AUH: variants seen among roughly 807,000 people sequenced by gnomAD.
AUH encodes methylglutaconyl-CoA hydratase, mitochondrial.
AUH carries 29 observed loss-of-function variants against 42.3 expected under a neutral mutation model. The observed-to-expected ratio is 0.69, with a 90% CI of 0.51 to 0.93. AUH has a LOEUF of 0.93. AUH is among the 40% of genes least tolerant of loss of function. The probability of loss-of-function intolerance (pLI) is 0.00; values close to 1 mark genes in which losing one functional copy is unlikely to be tolerated. For missense variants in AUH, 452 were observed against 438.1 expected (o/e 1.03, Z -0.28); for synonymous variants, 174 against 166.4 (o/e 1.05, Z -0.35).
At position 91,284,194 on chromosome 9, in the gene AUH, CA is replaced by C. The variant is rs1182996558; in HGVS notation, c.655+11826del. Among the ~76,000 whole-genome samples the C allele has an allele frequency of 2.0e-5, 3 of 151,890 alleles. No individual in the cohort carries two copies. In the East Asian group the frequency reaches 5.8e-4, roughly 29 times the overall value. The stretch of plus-strand genomic sequence containing the variant: ...ACCATCTGATCTTTGACAAACCTGA[CA>C]AAAACAAGAAATAGGGAAAGAATTC... On this transcript the variant is annotated intron_variant, in intron 6 of 9. Transcript: ENST00000375731.
At chr9:91,261,680 T>G (rs796115734) in intron 6 of AUH, among the ~76,000 whole-genome samples, 9 of 152,344 alleles carry the variant, frequency 5.9e-5, no homozygotes, top group African/African-American at 2.2e-4. Flanking sequence ...GGTTCCTCTT[T>G]CTTTCACTGT....
Position 91,324,792 on chromosome 9 carries a change from T to C in AUH, c.505+526A>G, listed in dbSNP as rs551734364. On this transcript the variant is annotated intron_variant, in intron 4 of 9. Transcript: ENST00000375731. ...GAACAAATGATAACTGGAACAGCGA[T>C]TCCCTGTTTAAGAATCTATGCTTAT... Among the ~76,000 whole-genome samples the C allele has an allele frequency of 2.0e-5, 3 of 151,778 alleles. No individual in the cohort carries two copies. The South Asian group carries it at 6.2e-4, about 32-fold the overall frequency.
intron 6 of AUH, among the ~76,000 whole-genome samples, chr9:91,259,606 C>T (rs891827512): frequency 6.6e-6 from 1 of 152,136 alleles, no homozygotes; most frequent in Non-Finnish European, 1.5e-5. Flanking sequence ...GTTTTATCTA[C>T]ATCCCACAAA....
In AUH at chr9:91,350,118, G is replaced by A. The variant is rs906703907; in HGVS notation, c.418+5765C>T. 6.6e-5 allele frequency among the ~76,000 whole-genome samples: 10 copies of A among 152,182 alleles called. No homozygotes were observed. In the East Asian group the frequency reaches 1.5e-3, roughly 23 times the overall value. On this transcript the variant is annotated intron_variant, in intron 3 of 9. Coordinates refer to ENST00000375731, the MANE Select transcript of AUH (RefSeq NM_001698.3). ...CACTGTCTGTATCTGTGACAACTAT[G>A]ACATATTTTTATCTGTATTTACATA...
At chr9:91,357,545 A>G (rs1282370136) in intron 1 of AUH, 1 of 922,390 alleles carries the variant, frequency 1.1e-6, no homozygotes. Context: ...TAATAATCAT[A>G]GAAATCATTA....
chr9:91,260,272 G>A (rs1412159933), intron 6 of AUH, among the ~76,000 whole-genome samples: 3 of 152,018 alleles, frequency 2.0e-5, no homozygotes, highest in Admixed American at 1.3e-4. Flanking sequence ...TGAATCTACT[G>A]GTTTAATCTG....
chr9:91,292,524 C>T (rs1303720313), intron 6 of AUH, among the ~76,000 whole-genome samples: 1 of 151,928 alleles, frequency 6.6e-6, no homozygotes, highest in Admixed American at 6.6e-5. Flanking sequence ...AGTGATCCAC[C>T]CGCCTCGGCC....
At chr9:91,282,953 C>T (rs1826093036) in intron 6 of AUH, among the ~76,000 whole-genome samples, 3 of 152,188 alleles carry the variant, frequency 2.0e-5, no homozygotes, top group Middle Eastern at 3.2e-3. Flanking sequence ...TCTTCCCTAA[C>T]TCATTTTATG....
chr9:91,336,221 A>ATATG (rs1253617818), intron 3 of AUH, among the ~76,000 whole-genome samples: 1 of 151,896 alleles, frequency 6.6e-6, no homozygotes, highest in Non-Finnish European at 1.5e-5. Context: ...ATGTATATAC[A>ATATG]CACACATACA....
Position 91,361,638 on chromosome 9 carries a change from C to G in AUH, c.252G>C (p.Glu84Asp). The change falls in exon 1 of 10, where the codon GAG becomes GAC. Residue 84 changes from glutamate to aspartate, a missense_variant. Glu to Asp is a conservative substitution (Grantham distance 45). Transcript: ENST00000375731. ...GCGTTCGCACCTCACCTCGGTTCTC[C>G]TCCTCCAGGTGCCGCACCCGCAGCT... is the stretch of plus-strand genomic sequence containing the variant. ...EDELRVRHLE[E>D]ENRGIVVLGI... is the part of the protein sequence containing the mutation. The G allele has an allele frequency of 1.9e-6, 3 of 1,583,700 alleles. No individual in the cohort carries two copies. The highest frequency in any genetic ancestry group is 2.6e-6 in the Non-Finnish European group (3 of 1,165,818).
intron 6 of AUH, among the ~76,000 whole-genome samples, chr9:91,244,163 C>T (rs558184017): frequency 2.0e-5 from 3 of 152,306 alleles, no homozygotes; most frequent in African/African-American, 7.2e-5. Context: ...AAATCTCTAT[C>T]TAAACCAGCA....
At chr9:91,358,111 T>C (rs1202165427) in intron 1 of AUH, among the ~76,000 whole-genome samples, 1 of 152,192 alleles carries the variant, frequency 6.6e-6, no homozygotes, top group Non-Finnish European at 1.5e-5. Context: ...ATTCAAGAAC[T>C]ATTCAAAAAT....
intron 8 of AUH, among the ~76,000 whole-genome samples, chr9:91,216,857 T>G (rs1826849933): frequency 6.6e-6 from 1 of 152,240 alleles, no homozygotes; most frequent in Admixed American, 6.5e-5. Context: ...TGCGTGTGCC[T>G]CCTTGTAGAA....
intron 6 of AUH, among the ~76,000 whole-genome samples, chr9:91,291,054 T>C (rs1352181724): frequency 6.6e-6 from 1 of 152,194 alleles, no homozygotes; most frequent in Non-Finnish European, 1.5e-5. Flanking sequence ...AGAAAATCTG[T>C]TCCATGCCTC....
At chr9:91,345,902 T>C (rs1327570614) in intron 3 of AUH, among the ~76,000 whole-genome samples, 4 of 151,754 alleles carry the variant, frequency 2.6e-5, no homozygotes, top group Admixed American at 2.6e-4. Flanking sequence ...ACTGATATTT[T>C]AGACAGGTCC....
intron 4 of AUH, among the ~76,000 whole-genome samples, chr9:91,308,500 T>A (rs58307373): frequency 6.6e-6 from 1 of 152,104 alleles, no homozygotes; most frequent in Admixed American, 6.5e-5. Context: ...AAAACTAAGA[T>A]CTGTAAGTCA....
chr9:91,361,841 C>T lies in AUH; in HGVS notation c.49G>A (p.Ala17Thr). The change falls in exon 1 of 10, where the codon GCT becomes ACT. Residue 17 changes from alanine (A) to threonine (T), a missense_variant. Ala to Thr is a moderately conservative substitution (Grantham distance 58). Coordinates refer to ENST00000375731, the MANE Select transcript of AUH (RefSeq NM_001698.3). ...AAPGALGSLH[A>T]GGARLVAACS... is the part of the protein sequence containing the mutation. ...GCGGCCACCAGGCGGGCGCCGCCAG[C>T]ATGCAGGGATCCCAAGGCCCCAGGT... 6.7e-7 allele frequency: 1 copy of T among 1,496,222 alleles called. No homozygotes were observed. Among genetic ancestry groups the T allele is most frequent in the Admixed American group, 2.2e-5 (1 of 44,772 alleles). 92.7% of individuals were successfully genotyped at this position (1,496,222 alleles called of 1,614,324 possible).
intron 4 of AUH, among the ~76,000 whole-genome samples, chr9:91,305,875 C>A (rs925577089): frequency 5.3e-5 from 8 of 152,294 alleles, no homozygotes; most frequent in Middle Eastern, 3.4e-3. Context: ...CTAGTTCTCA[C>A]ACCCCAGATC....
At chr9:91,302,435 C>T (rs914777480) in intron 4 of AUH, among the ~76,000 whole-genome samples, 2 of 151,998 alleles carry the variant, frequency 1.3e-5, no homozygotes, top group Non-Finnish European at 2.9e-5. Context: ...ACTAAAAATA[C>T]AAAATTAGCT....
Sources: allele counts gnomAD v4.1 joint callset (sites outside exome capture counted in the v4.1 genomes callset), GRCh38; gene constraint gnomAD v4.1.1; transcripts MANE v1.5; gene names NCBI Gene and HGNC (gene_info 2026-07-23, HGNC 2026-07-21).